Variants in MYO1B observed in about 807,000 individuals in gnomAD.
The protein encoded by MYO1B is unconventional myosin-Ib.
In MYO1B, 72 loss-of-function variants were observed where a neutral mutation model predicts 159.7. The ratio of observed to expected loss-of-function variants is 0.45; its 90% CI spans 0.37 to 0.55. MYO1B has a LOEUF of 0.55. Among genes scored for constraint, MYO1B ranks in the 20% least tolerant of loss-of-function variants. The pLI is 0.00. For missense variants in MYO1B, 1,062 were observed against 1,364.8 expected (o/e 0.78, Z 3.50); for synonymous variants, 468 against 473.8 (o/e 0.99, Z 0.16).
chr2:191,305,800 TGG>T (rs1689617232), intron 3 of MYO1B, among the ~76,000 whole-genome samples: 2 of 152,052 alleles, frequency 1.3e-5, no homozygotes, highest in Admixed American at 1.3e-4. Flanking sequence ...TGTGGTCCCC[TGG>T]GAAATGGGGT....
intron 2 of MYO1B, among the ~76,000 whole-genome samples, chr2:191,287,064 A>G (rs2125781164): frequency 6.6e-6 from 1 of 152,326 alleles, no homozygotes; most frequent in Non-Finnish European, 1.5e-5. Flanking sequence ...TTGGCTCTTT[A>G]CAGTAGCCAA....
intron 25 of MYO1B, 46 bp downstream of exon 25, chr2:191,408,235 AC>A (rs1697047846): frequency 1.4e-6 from 2 of 1,407,116 alleles, no homozygotes; most frequent in African/African-American, 1.4e-5. Context: ...TTGTGGAATT[AC>A]CCACCTAATA....
At chr2:191,281,076 C>G (rs1326056506) in intron 2 of MYO1B, among the ~76,000 whole-genome samples, 3 of 152,200 alleles carry the variant, frequency 2.0e-5, no homozygotes, top group Non-Finnish European at 4.4e-5. Flanking sequence ...ATACTGTTCT[C>G]TAGTGCAGAT....
At position 191,414,594 on chromosome 2, in the gene MYO1B, G is replaced by A. The variant is rs779752814; in HGVS notation, c.3084G>A (p.Glu1028=). 22 of 1,613,570 alleles carry A rather than the reference G, an allele frequency of 1.4e-5. No individual in the cohort carries two copies. In the Admixed American group the frequency reaches 3.3e-4, roughly 24 times the overall value. Residue 1028 remains glutamate (E), a synonymous_variant, in exon 29 of 31, where the codon GAG becomes GAA. Transcript: ENST00000392318. ...ADQKSGQIKS[E]VPLVDVTKVS... is the part of the protein sequence containing the mutation. ...AAAAGTCTGGACAAATCAAGTCAGA[G>A]GTTCCATTGGTGGATGTGACCAAGG...
At chr2:191,310,265 C>T (rs561890959) in intron 3 of MYO1B, among the ~76,000 whole-genome samples, 55 of 152,180 alleles carry the variant, frequency 3.6e-4, no homozygotes, top group Middle Eastern at 3.4e-3. Flanking sequence ...TGCAGTGGCG[C>T]AATCTTGGCT....
chr2:191,329,785 T>C, intron 3 of MYO1B, 150 bp from the exon 4 acceptor site: 1 of 563,710 alleles, frequency 1.8e-6, no homozygotes, highest in Non-Finnish European at 3.1e-6. Flanking sequence ...TATTTATTTA[T>C]GGATTTTAAG....
chr2:191,269,183 G>A (rs1276923577), intron 1 of MYO1B, among the ~76,000 whole-genome samples: 1 of 152,064 alleles, frequency 6.6e-6, no homozygotes, highest in Non-Finnish European at 1.5e-5. Flanking sequence ...CCCAGCCCCT[G>A]GTAACCACCA....
intron 2 of MYO1B, among the ~76,000 whole-genome samples, chr2:191,289,519 A>G (rs969893278): frequency 2.6e-5 from 4 of 152,226 alleles, no homozygotes; most frequent in African/African-American, 9.6e-5. Context: ...TAGGTTGAGG[A>G]TGAGTTTTTA....
chr2:191,421,475 C>T lies in MYO1B; in HGVS notation c.3288-2362C>T, dbSNP rs145032883. On this transcript the variant is annotated intron_variant, in intron 30 of 30. Transcript: ENST00000392318. ...TACATTTATTACACTTACAAGTGGTCTTTTTTATTTATTTTGAGGCAGAGT... is the reference window on the plus strand; with the variant it reads ...TACATTTATTACACTTACAAGTGGTTTTTTTTATTTATTTTGAGGCAGAGT... Among the ~76,000 whole-genome samples, 1,173 of 152,188 alleles carry T rather than the reference C, an allele frequency of 7.7e-3. 9 individuals carry two copies. Among genetic ancestry groups the T allele is most frequent in the South Asian group, 0.018 (86 of 4,806 alleles).
chr2:191,302,335 C>T (rs766021128), intron 3 of MYO1B, among the ~76,000 whole-genome samples: 6 of 152,182 alleles, frequency 3.9e-5, no homozygotes, highest in Non-Finnish European at 7.3e-5. Flanking sequence ...GTGCTTTTCT[C>T]TTCAGAGCTC....
chr2:191,278,671 G>T (rs1470927992), intron 2 of MYO1B, among the ~76,000 whole-genome samples: 1 of 152,230 alleles, frequency 6.6e-6, no homozygotes, highest in Non-Finnish European at 1.5e-5. Flanking sequence ...AAATGGAAAA[G>T]GTATAAAACA....
At chr2:191,300,586 CCCT>C (rs1188067335) in intron 3 of MYO1B, among the ~76,000 whole-genome samples, 1 of 151,326 alleles carries the variant, frequency 6.6e-6, no homozygotes, top group African/African-American at 2.4e-5. Context: ...TCATGATCTA[CCCT>C]CCTCCGCCTC....
intron 17 of MYO1B, 144 bp downstream of exon 17, chr2:191,387,594 T>C: frequency 1.3e-6 from 1 of 751,866 alleles, no homozygotes; most frequent in Non-Finnish European, 2.2e-6. Context: ...TTATCTGGGA[T>C]TGGCTTAAAA....
intron 4 of MYO1B, among the ~76,000 whole-genome samples, chr2:191,336,336 T>G (rs1691839131): frequency 1.3e-5 from 2 of 151,618 alleles, no homozygotes; most frequent in South Asian, 4.1e-4. Context: ...TGCCACTGAC[T>G]TACTGTAGCC....
intron 11 of MYO1B, among the ~76,000 whole-genome samples, chr2:191,368,054 C>T (rs1286071884): frequency 1.3e-5 from 2 of 152,142 alleles, no homozygotes; most frequent in East Asian, 3.8e-4. Context: ...GGTATATTCT[C>T]TAACCCTAAT....
At chr2:191,352,742 G>A (rs564062802) in intron 7 of MYO1B, among the ~76,000 whole-genome samples, 286 of 152,276 alleles carry the variant, frequency 1.9e-3, no homozygotes, top group Non-Finnish European at 3.2e-3. Context: ...TTAGTGGTAA[G>A]AGCAGGAAAT....
intron 27 of MYO1B, 68 bp downstream of exon 27, chr2:191,411,240 G>A (rs1158768349): frequency 3.7e-5 from 36 of 963,468 alleles, no homozygotes; most frequent in East Asian, 2.5e-4. Context: ...TTTGTACGCC[G>A]TTTTGCCTGG....
chr2:191,305,697 C>T (rs1195819307), intron 3 of MYO1B, among the ~76,000 whole-genome samples: 1 of 152,124 alleles, frequency 6.6e-6, no homozygotes, highest in East Asian at 1.9e-4. Flanking sequence ...CCTGGTTTGC[C>T]CTGGGTAGCC....
chr2:191,371,520 T>G (rs1359346334), intron 13 of MYO1B, among the ~76,000 whole-genome samples: 1 of 152,198 alleles, frequency 6.6e-6, no homozygotes, highest in African/African-American at 2.4e-5. Context: ...AATTCCATTT[T>G]ACAGATGAGA....
Sources: gnomAD v4.1 joint callset for allele counts (sites outside exome capture counted in the v4.1 genomes callset) on GRCh38, gnomAD v4.1.1 for gene constraint, MANE v1.5 for transcripts, NCBI Gene and HGNC (gene_info 2026-07-23, HGNC 2026-07-21) for gene names.